The following CAMSAP1 variants were observed in gnomAD, a reference collection of about 807,000 sequenced individuals.
The protein encoded by CAMSAP1 is calmodulin-regulated spectrin-associated protein 1.
CAMSAP1 carries 58 observed loss-of-function variants against 143.5 expected under a neutral mutation model. That is an observed-to-expected ratio of 0.40 (90% confidence interval 0.33 to 0.50). The LOEUF is 0.50. Among genes scored for constraint, CAMSAP1 ranks in the 20% least tolerant of loss-of-function variants. The probability of loss-of-function intolerance (pLI) is 0.45; values close to 1 mark genes in which losing one functional copy is unlikely to be tolerated. For missense variants in CAMSAP1, 1,969 were observed against 2,115.7 expected (o/e 0.93, Z 1.36); for synonymous variants, 945 against 859.3 (o/e 1.10, Z -1.74).
chr9:135,883,085 C>T lies in CAMSAP1; in HGVS notation c.161-7G>A. On this transcript the variant is annotated splice_polypyrimidine_tract_variant and splice_region_variant and intron_variant, in intron 1 of 16. Transcript: ENST00000389532. ...AGGTCCTCAGGGATGTTATCTAAGACAGGGAGGGGATGACCAGGTGAGTGC... is the reference window on the plus strand; with the variant it reads ...AGGTCCTCAGGGATGTTATCTAAGATAGGGAGGGGATGACCAGGTGAGTGC... 6.4e-7 allele frequency: 1 copy of T among 1,551,392 alleles called. No homozygotes were observed.
At position 135,883,014 on chromosome 9, in the gene CAMSAP1, C is replaced by T. The variant is rs371632539; in HGVS notation, c.225G>A (p.Lys75=). 5.8e-6 allele frequency: 9 copies of T among 1,551,584 alleles called. No homozygotes were observed. Among genetic ancestry groups the T allele is most frequent in the Non-Finnish European group, 7.0e-6 (8 of 1,147,010 alleles). Residue 75 remains lysine (K), a synonymous_variant, in exon 2 of 17, where the codon AAG becomes AAA. Coordinates refer to ENST00000389532, the MANE Select transcript of CAMSAP1 (RefSeq NM_015447.4). ...ACAGGAGAAGCTTGATAACAGGCGGCTTAATGTGCTCCTGCTCATACTGGT... is the reference window on the plus strand; with the variant it reads ...ACAGGAGAAGCTTGATAACAGGCGGTTTAATGTGCTCCTGCTCATACTGGT... ...YVDQYEQEHI[K]PPVIKLLLSS... is the part of the protein sequence containing the mutation.
At chr9:135,901,748 G>A (rs556273645) in intron 1 of CAMSAP1, among the ~76,000 whole-genome samples, 2 of 152,144 alleles carry the variant, frequency 1.3e-5, no homozygotes, top group Admixed American at 6.6e-5. Context: ...TCGCTCTCTC[G>A]GCACGACATC....
At position 135,827,431 on chromosome 9, in the gene CAMSAP1, A is replaced by G; in HGVS notation, c.1199T>C (p.Leu400Pro). ...CAGGTATTCAGGTTCTTCCGGGTGC[A>G]GGTAGTGCCTGTGACAGCCTTCCGC... ...LPAEGCHRHYLHPEEPEYLGK... is the reference protein window; with the variant it reads ...LPAEGCHRHYPHPEEPEYLGK... Residue 400 changes from leucine to proline, a missense_variant, in exon 8 of 17, where the codon CTG becomes CCG. This residue lies in a region of CAMSAP1 where 1,390 missense variants were observed against 1,420.8 expected (regional missense o/e 0.98). Transcript: ENST00000389532. 6.3e-7 allele frequency: 1 copy of G among 1,582,640 alleles called. No homozygotes were observed. The highest frequency in any genetic ancestry group is 8.6e-7 in the Non-Finnish European group (1 of 1,157,440).
intron 14 of CAMSAP1, among the ~76,000 whole-genome samples, chr9:135,817,042 G>A (rs1367780823): frequency 3.3e-5 from 5 of 152,186 alleles, no homozygotes; most frequent in South Asian, 2.1e-4. Context: ...ACAGGAAGCC[G>A]ATACTGAGAG....
rs913600158 is a variant in CAMSAP1 at position 135,882,533 on chromosome 9, G to C, written c.423+283C>G. ...TACATTTCTCATCTGTAAAAAGTCT[G>C]CTTCAAGTATTTTTATTAACAGGCC... is the stretch of plus-strand genomic sequence containing the variant. On this transcript the variant is annotated intron_variant, in intron 2 of 16. Coordinates refer to ENST00000389532, the MANE Select transcript of CAMSAP1 (RefSeq NM_015447.4). This position sits in a 1 kb window ranked among gnomAD's most constrained non-coding sequence, Gnocchi z 4.9. Among the ~76,000 whole-genome samples the C allele has an allele frequency of 6.6e-6, 1 of 152,204 alleles. No homozygotes were observed. The highest frequency in any genetic ancestry group is 1.9e-4 in the East Asian group (1 of 5,194).
At chr9:135,886,456 G>A (rs886210196) in intron 1 of CAMSAP1, among the ~76,000 whole-genome samples, 1 of 152,222 alleles carries the variant, frequency 6.6e-6, no homozygotes, top group Non-Finnish European at 1.5e-5. Flanking sequence ...AGGAGCGAGA[G>A]GAAAACATGA....
chr9:135,886,631 C>A (rs1040524764), intron 1 of CAMSAP1, among the ~76,000 whole-genome samples: 1 of 152,146 alleles, frequency 6.6e-6, no homozygotes, highest in Non-Finnish European at 1.5e-5. Context: ...CAGGCTTAGG[C>A]GGGCACACAA....
intron 3 of CAMSAP1, among the ~76,000 whole-genome samples, chr9:135,879,426 T>A (rs1311690768): frequency 6.6e-6 from 1 of 151,980 alleles, no homozygotes; most frequent in Non-Finnish European, 1.5e-5. Context: ...CGGGCAAAGA[T>A]AACAAACAAG....
intron 1 of CAMSAP1, among the ~76,000 whole-genome samples, chr9:135,883,450 G>A (rs1838023531): frequency 6.6e-6 from 1 of 152,208 alleles, no homozygotes; most frequent in South Asian, 2.1e-4. Context: ...TAATGGGGCT[G>A]AGGGGAAACC....
At chr9:135,872,929 C>T (rs1185086942) in intron 3 of CAMSAP1, among the ~76,000 whole-genome samples, 1 of 152,184 alleles carries the variant, frequency 6.6e-6, no homozygotes, top group Non-Finnish European at 1.5e-5. Flanking sequence ...CTCAGATTAA[C>T]CTAGTAATAG....
rs778981337 is a variant in CAMSAP1 at position 135,866,550 on chromosome 9, G to A, written c.586-14C>T. 15 of 1,216,088 alleles carry A rather than the reference G, an allele frequency of 1.2e-5. No individual in the cohort carries two copies. Among genetic ancestry groups the A allele is most frequent in the Non-Finnish European group, 1.7e-5 (14 of 841,792 alleles). The allele number at this position is 1,216,088 out of a possible 1,614,324, so 75.3% of individuals were successfully genotyped here. ...TTTAAGATTTACCTAAAGTAGAAGA[G>A]AAATGCATTAAAGAGGTAATTGCTG... is the stretch of plus-strand genomic sequence containing the variant. On this transcript the variant is annotated splice_polypyrimidine_tract_variant and intron_variant, in intron 3 of 16. Transcript: ENST00000389532.
Position 135,820,727 on chromosome 9 carries a change from C to A in CAMSAP1, c.3822+112G>T. 7.2e-7 allele frequency: 1 copy of A among 1,389,240 alleles called. No homozygotes were observed. Among genetic ancestry groups the A allele is most frequent in the Non-Finnish European group, 9.8e-7 (1 of 1,024,982 alleles). 86.1% of individuals were successfully genotyped at this position (1,389,240 alleles called of 1,614,324 possible). A position where few individuals can be genotyped will look rare whatever the true frequency, so the allele number is the denominator to read the frequency against. On this transcript the variant is annotated intron_variant, in intron 11 of 16. Coordinates refer to ENST00000389532, the MANE Select transcript of CAMSAP1 (RefSeq NM_015447.4). This position sits in a 1 kb window ranked among gnomAD's most constrained non-coding sequence, Gnocchi z 4.4. ...AAGCTAAACACACACATCCCCTGGCCTCTTACAGGAGCGGCTGGCCAGCCT... is the reference window on the plus strand; with the variant it reads ...AAGCTAAACACACACATCCCCTGGCATCTTACAGGAGCGGCTGGCCAGCCT...
chr9:135,827,913 C>A (rs927184023), intron 7 of CAMSAP1, among the ~76,000 whole-genome samples: 1 of 152,262 alleles, frequency 6.6e-6, no homozygotes, highest in Non-Finnish European at 1.5e-5. Flanking sequence ...AAACCACGTG[C>A]CACCTTCACC....
chr9:135,821,910 A>G lies in CAMSAP1; in HGVS notation c.2751T>C (p.His917=), dbSNP rs765611006. The G allele has an allele frequency of 1.2e-6, 2 of 1,613,656 alleles. No homozygotes were observed. The highest frequency in any genetic ancestry group is 1.7e-5 in the Admixed American group (1 of 59,988). Residue 917 remains histidine (H), a synonymous_variant, in exon 11 of 17, where the codon CAT becomes CAC. Coordinates refer to ENST00000389532, the MANE Select transcript of CAMSAP1 (RefSeq NM_015447.4). The surrounding 1 kb of genome is among the most constrained non-coding windows in gnomAD (Gnocchi z 4.6). The part of the protein sequence containing the change: ...RLKLGKAAFL[H]VVKKGKAEAA... ...CCTCGGCCTTGCCCTTCTTCACCAC[A>G]TGCAGGAATGCAGCCTTGCCGAGCT...
Position 135,827,547 on chromosome 9 carries a change from A to G in CAMSAP1, c.1083T>C (p.Pro361=). The G allele has an allele frequency of 6.2e-7, 1 of 1,606,632 alleles. No homozygotes were observed. Among genetic ancestry groups the G allele is most frequent in the Non-Finnish European group, 8.5e-7 (1 of 1,174,214 alleles). Residue 361 remains proline, a synonymous_variant, in exon 8 of 17, where the codon CCT becomes CCC. Coordinates refer to ENST00000389532, the MANE Select transcript of CAMSAP1 (RefSeq NM_015447.4). ...GTTTGGTCGCGTTGGAGATCGGTAC[A>G]GGAGGCCGGCTGCTCTTCTGGTGTA... ...TVLHQKSSRP[P]VPISNATKRS...
intron 10 of CAMSAP1, 73 bp downstream of exon 10, chr9:135,823,877 G>T: frequency 8.5e-7 from 1 of 1,175,170 alleles, no homozygotes; most frequent in Non-Finnish European, 1.2e-6. Flanking sequence ...AGGGGGTTGG[G>T]GTGACATCTT....
intron 7 of CAMSAP1, among the ~76,000 whole-genome samples, chr9:135,846,790 C>G (rs571077792): frequency 6.6e-6 from 1 of 151,268 alleles, no homozygotes; most frequent in Non-Finnish European, 1.5e-5. Flanking sequence ...AAAAGCTCAT[C>G]ATCACTGGTC....
At chr9:135,831,464 T>C (rs750634047) in intron 7 of CAMSAP1, among the ~76,000 whole-genome samples, 4 of 149,284 alleles carry the variant, frequency 2.7e-5, no homozygotes, top group Non-Finnish European at 5.9e-5. Flanking sequence ...CGAGACCCCA[T>C]CTCTCTTTTT....
In CAMSAP1 at chr9:135,811,451, T is replaced by C. The variant is rs1276794327; in HGVS notation, c.4667A>G (p.Tyr1556Cys). ...CTGTTTTCGGTCTGAGCTGTATTTATACAGTTTGTCGATCATTTTCTTGGT... is the reference window on the plus strand; with the variant it reads ...CTGTTTTCGGTCTGAGCTGTATTTACACAGTTTGTCGATCATTTTCTTGGT... The part of the protein sequence containing the change: ...NITKKMIDKL[Y>C]KYSSDRKQFN... Residue 1556 changes from tyrosine to cysteine, a missense_variant, in exon 17 of 17, where the codon TAT (tyrosine) becomes TGT (cysteine). Tyr to Cys is a radical substitution (Grantham distance 194, BLOSUM62 -2). This residue lies in a region of CAMSAP1 where 143 missense variants were observed against 200.6 expected (regional missense o/e 0.71). Coordinates refer to ENST00000389532, the MANE Select transcript of CAMSAP1 (RefSeq NM_015447.4). This position sits in a 1 kb window ranked among gnomAD's most constrained non-coding sequence, Gnocchi z 4.9. 1 of 1,612,654 alleles carries C rather than the reference T, an allele frequency of 6.2e-7. No individual in the cohort carries two copies. Among genetic ancestry groups the C allele is most frequent in the Non-Finnish European group, 8.5e-7 (1 of 1,179,230 alleles).
Sources: allele counts gnomAD v4.1 joint callset (sites outside exome capture counted in the v4.1 genomes callset), GRCh38; gene constraint gnomAD v4.1.1; regional missense constraint gnomAD v4.1.1; non-coding constraint Gnocchi (gnomAD v3.1); transcripts MANE v1.5; gene names NCBI Gene and HGNC (gene_info 2026-07-23, HGNC 2026-07-21).